CDH22: variants seen among roughly 807,000 people sequenced by gnomAD.
The protein encoded by CDH22 is cadherin 22.
A neutral mutation model predicts 58.4 loss-of-function variants in CDH22; 30 were observed. The ratio of observed to expected loss-of-function variants is 0.51; its 90% CI spans 0.38 to 0.70. CDH22 has a LOEUF of 0.70. Among genes scored for constraint, CDH22 ranks in the 30% least tolerant of loss-of-function variants. The pLI is 0.00. For synonymous variants in CDH22, 513 were observed against 558.2 expected (o/e 0.92, Z 1.14); for missense variants, 1,014 against 1,233.9 (o/e 0.82, Z 2.67).
At chr20:46,299,468 C>T (rs117835735) in intron 1 of CDH22, among the ~76,000 whole-genome samples, 281 of 152,384 alleles carry the variant, frequency 1.8e-3, no homozygotes, top group Non-Finnish European at 2.4e-3. Context: ...ACAGGAGAGA[C>T]ACAACCTTTG....
intron 1 of CDH22, among the ~76,000 whole-genome samples, chr20:46,283,302 C>T (rs2086559184): frequency 7.9e-5 from 12 of 152,164 alleles, no homozygotes; most frequent in Admixed American, 7.9e-4. Context: ...GTGGACAGGA[C>T]ATGAGCTCCA....
chr20:46,205,376 A>C (rs965788662), intron 7 of CDH22, among the ~76,000 whole-genome samples: 3 of 152,200 alleles, frequency 2.0e-5, no homozygotes, highest in African/African-American at 4.8e-5. Context: ...GGCACATACT[A>C]TTATGATGTC....
chr20:46,218,453 C>T (rs1038015570), intron 4 of CDH22, among the ~76,000 whole-genome samples: 3 of 152,226 alleles, frequency 2.0e-5, no homozygotes, highest in Non-Finnish European at 2.9e-5. Flanking sequence ...ACTGGACTCA[C>T]GTCCACACTC....
chr20:46,208,889 G>A (rs903512893), intron 7 of CDH22, among the ~76,000 whole-genome samples: 26 of 152,260 alleles, frequency 1.7e-4, no homozygotes, highest in African/African-American at 5.3e-4. Context: ...CACCACACCC[G>A]GCCTCTATTT....
At chr20:46,213,768 T>C (rs1198023195) in intron 5 of CDH22, among the ~76,000 whole-genome samples, 1 of 152,222 alleles carries the variant, frequency 6.6e-6, no homozygotes, top group African/African-American at 2.4e-5. Flanking sequence ...TTTCAATGTA[T>C]ACATTGAGCA....
intron 1 of CDH22, among the ~76,000 whole-genome samples, chr20:46,295,938 T>C (rs975626310): frequency 2.6e-5 from 4 of 152,160 alleles, no homozygotes; most frequent in Non-Finnish European, 5.9e-5. Flanking sequence ...AATTTTTTAA[T>C]TTTTGTAGAG....
chr20:46,206,285 G>A (rs1010311), intron 7 of CDH22, among the ~76,000 whole-genome samples: 86,598 of 152,056 alleles, frequency 0.57, 24,921 homozygotes, highest in Non-Finnish European at 0.61. Context: ...TGAGCTGGGT[G>A]GCTTTGGGAA....
At chr20:46,223,758 TTC>T (rs1411136806) in intron 4 of CDH22, among the ~76,000 whole-genome samples, 27 of 149,254 alleles carry the variant, frequency 1.8e-4, no homozygotes, top group Non-Finnish European at 7.4e-5. Flanking sequence ...CTCTTTCTTT[TTC>T]TTTCTTTCTT....
chr20:46,290,848 G>A (rs1490415615), intron 1 of CDH22, among the ~76,000 whole-genome samples: 2 of 152,182 alleles, frequency 1.3e-5, no homozygotes, highest in East Asian at 1.9e-4. Context: ...GGTCTATGGG[G>A]GGTGTGTTTG....
chr20:46,251,064 G>A lies in CDH22; in HGVS notation c.231C>T (p.Gly77=). The A allele has an allele frequency of 6.2e-7, 1 of 1,612,226 alleles. No individual in the cohort carries two copies. Among genetic ancestry groups the A allele is most frequent in the Non-Finnish European group, 8.5e-7 (1 of 1,178,872 alleles). ...NQFFVVEEYT[G]TEPLYVGKIH... ...CCTTGCCCACATACAGGGGCTCCGT[G>A]CCCGTGTACTCCTCTACCACGAAGA... is the stretch of plus-strand genomic sequence containing the variant. The change falls in exon 2 of 12, where the codon GGC becomes GGT. Residue 77 remains glycine, a synonymous_variant. Transcript: ENST00000537909. The surrounding 1 kb of genome is among the most constrained non-coding windows in gnomAD (Gnocchi z 6.7).
Position 46,174,815 on chromosome 20 carries a change from C to T in CDH22, c.2178G>A (p.Leu726=), listed in dbSNP as rs2085724945. 1 of 1,470,064 alleles carries T rather than the reference C, an allele frequency of 6.8e-7. No homozygotes were observed. The allele number at this position is 1,470,064 out of a possible 1,614,324, so 91.1% of individuals were successfully genotyped here. A position where few individuals can be genotyped will look rare whatever the true frequency, so the allele number is the denominator to read the frequency against. The change falls in exon 12 of 12, where the codon CTG becomes CTA. Residue 726 remains leucine (L), a synonymous_variant. Coordinates refer to ENST00000537909, the MANE Select transcript of CDH22 (RefSeq NM_021248.3). The surrounding 1 kb of genome is among the most constrained non-coding windows in gnomAD (Gnocchi z 4.4). The part of the protein sequence containing the change: ...GGAGSPPQAH[L]PSERHSLPQG... ...GCGGCAGCGAGTGGCGCTCGGAGGG[C>T]AGGTGGGCCTGCGGGGGGCTGCCCG...
At chr20:46,196,951 G>C (rs1489202343) in intron 8 of CDH22, among the ~76,000 whole-genome samples, 1 of 152,190 alleles carries the variant, frequency 6.6e-6, no homozygotes, top group Non-Finnish European at 1.5e-5. Context: ...GGTGAGGAGT[G>C]GGCAGGGGCT....
Position 46,241,376 on chromosome 20 carries a change from CT to C in CDH22, c.256-120del. 2.3e-6 allele frequency: 2 copies of C among 863,326 alleles called. No homozygotes were observed. Among genetic ancestry groups the C allele is most frequent in the Non-Finnish European group, 3.5e-6 (2 of 572,448 alleles). 53.5% of individuals were successfully genotyped at this position (863,326 alleles called of 1,614,324 possible). ...CATCTCTTCTCCAGCACATACACAT[CT>C]TTAGTGAGGACACTGAGGCCCAGCA... On this transcript the variant is annotated intron_variant, in intron 2 of 11. Coordinates refer to ENST00000537909, the MANE Select transcript of CDH22 (RefSeq NM_021248.3). The surrounding 1 kb of genome is among the most constrained non-coding windows in gnomAD (Gnocchi z 5.2).
At chr20:46,280,290 T>C (rs1439102017) in intron 1 of CDH22, among the ~76,000 whole-genome samples, 2 of 152,158 alleles carry the variant, frequency 1.3e-5, no homozygotes, top group African/African-American at 4.8e-5. Context: ...TGTGGTGGTG[T>C]GGGCCTGTAG....
intron 4 of CDH22, among the ~76,000 whole-genome samples, chr20:46,226,231 C>A (rs1234230245): frequency 1.2e-5 from 1 of 86,540 alleles, no homozygotes; most frequent in Non-Finnish European, 2.1e-5. Flanking sequence ...TCTGGCAACA[C>A]CTTCTTCTTC....
chr20:46,207,611 G>C (rs542898057), intron 7 of CDH22, among the ~76,000 whole-genome samples: 2 of 152,290 alleles, frequency 1.3e-5, no homozygotes, highest in East Asian at 3.9e-4. Context: ...TGAAAGTAGC[G>C]TGGGCATTCT....
At chr20:46,274,550 A>T (rs1200360312) in intron 1 of CDH22, among the ~76,000 whole-genome samples, 1 of 152,364 alleles carries the variant, frequency 6.6e-6, no homozygotes, top group East Asian at 1.9e-4. Context: ...TAAATGTACT[A>T]TACGATCCAG....
At chr20:46,281,448 T>C (rs1293715264) in intron 1 of CDH22, among the ~76,000 whole-genome samples, 2 of 102,268 alleles carry the variant, frequency 2.0e-5, no homozygotes, top group East Asian at 7.9e-4. Context: ...GTTTTGTAAA[T>C]GGAAAAAAAT....
In CDH22 at chr20:46,241,190, G is replaced by A; in HGVS notation, c.323C>T (p.Thr108Ile). The A allele has an allele frequency of 6.2e-7, 1 of 1,614,054 alleles. No homozygotes were observed. The highest frequency in any genetic ancestry group is 8.5e-7 in the Non-Finnish European group (1 of 1,179,958). Reference sequence around the variant, plus strand: ...TGTCAGCTCGTCGATCAGGAAGATGGTCCCAGCACCCTCGCCTGAGATGGT... The same window carrying A: ...TGTCAGCTCGTCGATCAGGAAGATGATCCCAGCACCCTCGCCTGAGATGGT... ...KYTISGEGAG[T>I]IFLIDELTGD... is the part of the protein sequence containing the mutation. The change falls in exon 3 of 12, where the codon ACC (threonine) becomes ATC (isoleucine). Residue 108 changes from threonine (T) to isoleucine (I), a missense_variant. By Grantham distance (89) the Thr-to-Ile change is moderately conservative. This residue lies in a region of CDH22 where 806 missense variants were observed against 1,038.7 expected (regional missense o/e 0.78). Transcript: ENST00000537909. The surrounding 1 kb of genome is among the most constrained non-coding windows in gnomAD (Gnocchi z 5.2).
Sources: gnomAD v4.1 joint callset for allele counts (sites outside exome capture counted in the v4.1 genomes callset) on GRCh38, gnomAD v4.1.1 for gene constraint, gnomAD v4.1.1 regional missense constraint, Gnocchi (gnomAD v3.1) non-coding constraint, MANE v1.5 for transcripts, NCBI Gene and HGNC (gene_info 2026-07-23, HGNC 2026-07-21) for gene names.